The following MAD1L1 variants were observed in gnomAD, a reference collection of about 807,000 sequenced individuals.
The protein encoded by MAD1L1 is mitotic spindle assembly checkpoint protein MAD1.
Under a neutral mutation model 96.9 loss-of-function variants are expected in MAD1L1, and 95 were observed. That is an observed-to-expected ratio of 0.98 (90% CI 0.83 to 1.16). The LOEUF is 1.16. Ranked by LOEUF, MAD1L1 falls within the 50% of genes most tolerant of loss-of-function variation. MAD1L1 has a pLI of 0.00. For synonymous variants in MAD1L1, 473 were observed against 396.6 expected, an observed-to-expected ratio of 1.19 and a Z score of -2.29; for missense variants, 1,007 against 954.4, an observed-to-expected ratio of 1.06 and a Z score of -0.73.
chr7:2,152,378 G>A (rs1789621564), intron 10 of MAD1L1, among the ~76,000 whole-genome samples: 2 of 152,202 alleles, frequency 1.3e-5, no homozygotes, highest in Non-Finnish European at 2.9e-5. Context: ...AGGGCACAGG[G>A]GCACCAGAAG....
chr7:1,838,554 C>T (rs186478532), intron 18 of MAD1L1: 8 of 352,266 alleles, frequency 2.3e-5, no homozygotes, highest in South Asian at 4.6e-5. Context: ...GAAAACCTTA[C>T]GCTCAGCGAA....
intron 18 of MAD1L1, among the ~76,000 whole-genome samples, chr7:1,870,695 C>G (rs534099898): frequency 2.0e-4 from 28 of 138,864 alleles, no homozygotes; most frequent in African/African-American, 7.7e-4. Context: ...ACACTGAACC[C>G]AACATACACC....
At chr7:2,006,170 T>C (rs1782021685) in intron 13 of MAD1L1, among the ~76,000 whole-genome samples, 1 of 151,886 alleles carries the variant, frequency 6.6e-6, no homozygotes, top group Non-Finnish European at 1.5e-5. Flanking sequence ...AACAGAGCCA[T>C]GGAACACCGA....
chr7:1,950,961 C>T (rs1250147998), intron 16 of MAD1L1, among the ~76,000 whole-genome samples: 1 of 152,268 alleles, frequency 6.6e-6, no homozygotes, highest in East Asian at 1.9e-4. Flanking sequence ...GGCCACCCAC[C>T]CTGGGCACGA....
intron 12 of MAD1L1, among the ~76,000 whole-genome samples, chr7:2,026,001 A>C (rs1782980794): frequency 1.3e-5 from 2 of 152,142 alleles, no homozygotes; most frequent in Admixed American, 1.3e-4. Flanking sequence ...TAATTACATC[A>C]GTTACAATTA....
At chr7:1,833,793 T>C (rs1782817530) in intron 18 of MAD1L1, among the ~76,000 whole-genome samples, 2 of 152,044 alleles carry the variant, frequency 1.3e-5, no homozygotes, top group South Asian at 4.1e-4. Context: ...ATACAAAAAT[T>C]AGCCAGGCGT....
rs998900830 is a variant in MAD1L1, at chr7:2,119,106, T to G, written c.1073+30046A>C. ...AGCTCCAGGGCTTCAGGGTGACTGC[T>G]GCCCGGTGCTCTTGGTGAAGCCGTG... On this transcript the variant is annotated intron_variant, in intron 11 of 18. Coordinates refer to ENST00000265854, the MANE Select transcript of MAD1L1 (RefSeq NM_001013836.2). This position sits in a 1 kb window ranked among gnomAD's most constrained non-coding sequence, Gnocchi z 4.6. Among the ~76,000 whole-genome samples, 1 of 151,930 alleles carries G rather than the reference T, an allele frequency of 6.6e-6. No individual in the cohort carries two copies. Among genetic ancestry groups the G allele is most frequent in the Non-Finnish European group, 1.5e-5 (1 of 67,962 alleles).
chr7:2,227,560 A>G (rs1227692776), intron 3 of MAD1L1, among the ~76,000 whole-genome samples: 5 of 152,142 alleles, frequency 3.3e-5, no homozygotes, highest in Non-Finnish European at 5.9e-5. Flanking sequence ...AAAAAGAATT[A>G]CCCAGCCCAA....
intron 4 of MAD1L1, among the ~76,000 whole-genome samples, chr7:2,223,316 G>T (rs1224703629): frequency 1.3e-5 from 2 of 152,170 alleles, no homozygotes; most frequent in Non-Finnish European, 2.9e-5. Flanking sequence ...CCCACGACTG[G>T]CCTTAGGGAG....
intron 12 of MAD1L1, among the ~76,000 whole-genome samples, chr7:2,031,169 G>C (rs1274684773): frequency 1.3e-5 from 2 of 152,170 alleles, no homozygotes; most frequent in Non-Finnish European, 2.9e-5. Flanking sequence ...GCCGCTCAGA[G>C]AGGAAGCACG....
At position 1,968,555 on chromosome 7, in the gene MAD1L1, C is replaced by T. The variant is rs968270011; in HGVS notation, c.1506-10836G>A. ...TGCCAGCGGTCATGTCCACCATCAA[C>T]GCCTCAGTCCAGCGGTCAGGTCCAC... On this transcript the variant is annotated intron_variant, in intron 15 of 18. Transcript: ENST00000265854. This position sits in a 1 kb window ranked among gnomAD's most constrained non-coding sequence, Gnocchi z 5.6. 6.7e-5 allele frequency among the ~76,000 whole-genome samples: 10 copies of T among 149,374 alleles called. No homozygotes were observed. The highest frequency in any genetic ancestry group is 6.5e-4 in the South Asian group (3 of 4,644).
chr7:1,996,497 G>C (rs1389117763), intron 14 of MAD1L1, among the ~76,000 whole-genome samples: 2 of 152,222 alleles, frequency 1.3e-5, no homozygotes, highest in African/African-American at 4.8e-5. Context: ...CTTCTTCATG[G>C]GCCCACGGGA....
At chr7:1,879,379 T>C (rs1785555114) in intron 18 of MAD1L1, among the ~76,000 whole-genome samples, 1 of 149,856 alleles carries the variant, frequency 6.7e-6, no homozygotes, top group Non-Finnish European at 1.5e-5. Flanking sequence ...CGCTTGAACC[T>C]GGCAGGCAGA....
rs749494902 is a variant in MAD1L1, at chr7:2,073,676, C to T, written c.1074-4338G>A. The stretch of plus-strand genomic sequence containing the variant: ...GAAATGCAGTGGCTGCAGGATGTAG[C>T]GTGAAGCGTGTGTTCTGCAGCACCC... On this transcript the variant is annotated intron_variant, in intron 11 of 18. Transcript: ENST00000265854. Among the ~76,000 whole-genome samples, 172 of 152,320 alleles carry T rather than the reference C, an allele frequency of 1.1e-3. 2 individuals carry two copies. Among genetic ancestry groups the T allele is most frequent in the Non-Finnish European group, 1.0e-3 (71 of 68,036 alleles).
At chr7:1,902,763 G>A (rs1041280713) in intron 17 of MAD1L1, among the ~76,000 whole-genome samples, 14 of 152,216 alleles carry the variant, frequency 9.2e-5, no homozygotes, top group Non-Finnish European at 1.6e-4. Context: ...AAGCAAGGAC[G>A]CAGTGGCCTA....
chr7:1,948,327 C>G (rs1462984407), intron 16 of MAD1L1, among the ~76,000 whole-genome samples: 1 of 152,052 alleles, frequency 6.6e-6, no homozygotes, highest in African/African-American at 2.4e-5. Flanking sequence ...ACCCCCTCCA[C>G]CCCCCAGTGA....
intron 12 of MAD1L1, among the ~76,000 whole-genome samples, chr7:2,062,796 C>A (rs1474150533): frequency 6.6e-6 from 1 of 152,090 alleles, no homozygotes; most frequent in Non-Finnish European, 1.5e-5. Flanking sequence ...CAGCACCCAC[C>A]GCAGGAAGGC....
At position 2,102,761 on chromosome 7, in the gene MAD1L1, C is replaced by T. The variant is rs557557979; in HGVS notation, c.1074-33423G>A. ...ACCACTGTCACCATCAGTGACACCA[C>T]GGTCACCGCCACCCTCGCACCATCA... is the stretch of plus-strand genomic sequence containing the variant. On this transcript the variant is annotated intron_variant, in intron 11 of 18. Transcript: ENST00000265854. 4.6e-3 allele frequency among the ~76,000 whole-genome samples: 695 copies of T among 152,136 alleles called. 9 individuals are homozygous for T. Among genetic ancestry groups the T allele is most frequent in the African/African-American group, 0.016 (657 of 41,500 alleles).
rs1301642438 is a variant in MAD1L1, at chr7:1,957,690, C to T, written c.1535G>A (p.Arg512Gln). 7.4e-6 allele frequency: 12 copies of T among 1,614,030 alleles called. 1 individual carries two copies. The highest frequency in any genetic ancestry group is 1.6e-4 in the Middle Eastern group (1 of 6,084). ...RLKVEELEGE[R>Q]SRLEEEKRML... ...CCTCTTTTCCTCCTCCAGCCGACTC[C>T]GCTCGCCTTCCAGCTCCTCGACCTT... Residue 512 changes from arginine to glutamine, a missense_variant, in exon 16 of 19, where the codon CGG becomes CAG. Physicochemically the swap from Arg to Gln is conservative, Grantham distance 43 (BLOSUM62 1). Coordinates refer to ENST00000265854, the MANE Select transcript of MAD1L1 (RefSeq NM_001013836.2).
Sources: gnomAD v4.1 joint callset for allele counts (sites outside exome capture counted in the v4.1 genomes callset) on GRCh38, gnomAD v4.1.1 for gene constraint, Gnocchi (gnomAD v3.1) non-coding constraint, MANE v1.5 for transcripts, NCBI Gene and HGNC (gene_info 2026-07-23, HGNC 2026-07-21) for gene names.